The following MSRA variants were observed in gnomAD, a reference collection of about 807,000 sequenced individuals.
MSRA encodes the protein mitochondrial peptide methionine sulfoxide reductase.
A neutral mutation model predicts 31.3 loss-of-function variants in MSRA; 54 were observed. That is an observed-to-expected ratio of 1.73 (90% confidence interval 1.39 to 2.17). MSRA has a LOEUF of 2.17. Among genes scored for constraint, MSRA ranks in the 30% most tolerant of loss-of-function variants. The probability of loss-of-function intolerance (pLI) is 0.00; values close to 1 mark genes in which losing one functional copy is unlikely to be tolerated. For synonymous variants in MSRA, 169 were observed against 116.5 expected (o/e 1.45, Z -2.90); for missense variants, 507 against 300.9 (o/e 1.69, Z -5.07).
intron 1 of MSRA, among the ~76,000 whole-genome samples, chr8:10,077,203 CT>C (rs1396459820): frequency 3.9e-5 from 6 of 152,192 alleles, no homozygotes; most frequent in African/African-American, 1.4e-4. Flanking sequence ...CAACCAAAAG[CT>C]TTTGCCAACA....
chr8:10,236,367 G>A (rs770850124), intron 2 of MSRA, among the ~76,000 whole-genome samples: 1 of 152,194 alleles, frequency 6.6e-6, no homozygotes, highest in Non-Finnish European at 1.5e-5. Context: ...AGAAGGTGGA[G>A]TCAAACCATT....
chr8:10,090,806 G>A (rs1031442703), intron 1 of MSRA, among the ~76,000 whole-genome samples: 1 of 152,230 alleles, frequency 6.6e-6, no homozygotes, highest in East Asian at 1.9e-4. Flanking sequence ...TCTGTGTCTG[G>A]CTTTTTCATT....
intron 5 of MSRA, chr8:10,337,434 C>T (rs531097588): frequency 2.8e-6 from 1 of 357,228 alleles, no homozygotes; most frequent in Non-Finnish European, 5.1e-6. Context: ...CAGCCTCGGC[C>T]TCCCAAAGTG....
chr8:10,306,763 A>T (rs1801161552), intron 4 of MSRA, among the ~76,000 whole-genome samples: 1 of 152,142 alleles, frequency 6.6e-6, no homozygotes, highest in Non-Finnish European at 1.5e-5. Context: ...CTCGGGGCAC[A>T]GACTGAGTGC....
chr8:10,303,777 G>A (rs369017620), intron 4 of MSRA, among the ~76,000 whole-genome samples: 1 of 152,192 alleles, frequency 6.6e-6, no homozygotes, highest in South Asian at 2.1e-4. Flanking sequence ...TCCTCCGTCA[G>A]GAACCTCTAC....
In MSRA at chr8:10,126,878, G is replaced by A. The variant is rs932721355; in HGVS notation, c.142+72220G>A. 6.6e-5 allele frequency among the ~76,000 whole-genome samples: 10 copies of A among 152,302 alleles called. No homozygotes were observed. In the South Asian group the frequency reaches 1.0e-3, roughly 16 times the overall value. ...GCACATGCAGTTCACAATAGGGTTC[G>A]CACTCCTATGAGAATGCAATGCTGC... On this transcript the variant is annotated intron_variant, in intron 1 of 5. Transcript: ENST00000317173.
At chr8:10,212,351 T>C (rs1473668642) in intron 2 of MSRA, among the ~76,000 whole-genome samples, 2 of 152,152 alleles carry the variant, frequency 1.3e-5, no homozygotes, top group East Asian at 3.8e-4. Flanking sequence ...AATGTCCCCC[T>C]TTAACGAGGT....
At chr8:10,141,476 C>G (rs1391492611) in intron 1 of MSRA, among the ~76,000 whole-genome samples, 2 of 152,210 alleles carry the variant, frequency 1.3e-5, no homozygotes, top group African/African-American at 4.8e-5. Context: ...CATCTCCCCT[C>G]CTGCTTCATC....
chr8:10,328,046 TTTTTTTAG>T (rs1306640756), intron 5 of MSRA, among the ~76,000 whole-genome samples: 3 of 140,652 alleles, frequency 2.1e-5, no homozygotes, highest in South Asian at 4.7e-4. Flanking sequence ...TTTTTTTTTT[TTTTTTTAG>T]TATCAGTGAC....
At chr8:10,207,208 G>C (rs902914940) in intron 1 of MSRA, among the ~76,000 whole-genome samples, 1 of 152,200 alleles carries the variant, frequency 6.6e-6, no homozygotes, top group Non-Finnish European at 1.5e-5. Context: ...GTGTTTACTA[G>C]GGTGGGAAGG....
At chr8:10,412,222 C>T (rs1563452035) in intron 5 of MSRA, among the ~76,000 whole-genome samples, 1 of 152,184 alleles carries the variant, frequency 6.6e-6, no homozygotes, top group Non-Finnish European at 1.5e-5. Flanking sequence ...ATGAAAAAAT[C>T]TGATGTATTG....
rs10105294 is a variant in MSRA at position 10,183,811 on chromosome 8, C to G, written c.143-24022C>G. 9.4e-3 allele frequency among the ~76,000 whole-genome samples: 1,154 copies of G among 123,358 alleles called. 13 individuals carry two copies. Among genetic ancestry groups the G allele is most frequent in the African/African-American group, 0.028 (701 of 25,082 alleles). The allele number at this position is 123,358 out of a possible 152,430, so 80.9% of individuals were successfully genotyped here. A position where few individuals can be genotyped will look rare whatever the true frequency, so the allele number is the denominator to read the frequency against. On this transcript the variant is annotated intron_variant, in intron 1 of 5. Transcript: ENST00000317173. ...GGTGGTGGTGGTGGTGGTGGTGGTG[C>G]TGCTGCTGCTGCTGCTGCTGGTGGT...
chr8:10,406,608 G>T (rs946277180), intron 5 of MSRA, among the ~76,000 whole-genome samples: 1 of 152,216 alleles, frequency 6.6e-6, no homozygotes, highest in South Asian at 2.1e-4. Context: ...TCTCCTTGGT[G>T]CTGGCCAGTC....
intron 2 of MSRA, among the ~76,000 whole-genome samples, chr8:10,217,194 C>G (rs4383975): frequency 0.13 from 20,474 of 152,106 alleles, 1,504 homozygotes; most frequent in East Asian, 0.27. Context: ...ATTCTGGAAC[C>G]AGAAAGAAAT....
chr8:10,121,383 G>A (rs916671721), intron 1 of MSRA, among the ~76,000 whole-genome samples: 3 of 152,126 alleles, frequency 2.0e-5, no homozygotes, highest in Admixed American at 1.3e-4. Context: ...TTTTGTCATG[G>A]CCCCCACCTA....
intron 1 of MSRA, among the ~76,000 whole-genome samples, chr8:10,057,631 G>T (rs1346783558): frequency 3.3e-5 from 5 of 152,126 alleles, no homozygotes; most frequent in Admixed American, 1.3e-4. Flanking sequence ...GAAACATGCG[G>T]GGGGTGGACT....
At chr8:10,090,148 C>T (rs1033238686) in intron 1 of MSRA, among the ~76,000 whole-genome samples, 13 of 152,130 alleles carry the variant, frequency 8.5e-5, no homozygotes, top group Admixed American at 6.5e-4. Flanking sequence ...AGACTTAATG[C>T]AGAGGGGGCT....
intron 3 of MSRA, among the ~76,000 whole-genome samples, chr8:10,282,243 A>G (rs549773103): frequency 6.6e-6 from 1 of 152,370 alleles, no homozygotes; most frequent in African/African-American, 2.4e-5. Flanking sequence ...AGGATCGTCC[A>G]TAATTTGCAG....
intron 5 of MSRA, among the ~76,000 whole-genome samples, chr8:10,320,883 G>C (rs1802009696): frequency 6.6e-6 from 1 of 152,146 alleles, no homozygotes; most frequent in African/African-American, 2.4e-5. Flanking sequence ...TTTTTAAACA[G>C]TCTCTAGTCA....
Sources: allele counts gnomAD v4.1 joint callset (sites outside exome capture counted in the v4.1 genomes callset), GRCh38; gene constraint gnomAD v4.1.1; transcripts MANE v1.5; gene names NCBI Gene and HGNC (gene_info 2026-07-23, HGNC 2026-07-21).